SPIDR: variants seen among roughly 807,000 people sequenced by gnomAD.
SPIDR encodes the protein DNA repair-scaffolding protein.
SPIDR carries 93 observed loss-of-function variants against 104.6 expected under a neutral mutation model. The ratio of observed to expected loss-of-function variants is 0.89; its 90% CI spans 0.75 to 1.06. SPIDR has a LOEUF of 1.06. Ranked by LOEUF, SPIDR falls within the 50% of genes least tolerant of loss-of-function variation. The pLI is 0.00. For synonymous variants in SPIDR, 431 were observed against 416.9 expected (o/e 1.03, Z -0.41); for missense variants, 1,154 against 1,111.2 (o/e 1.04, Z -0.55).
At chr8:47,522,969 T>C (rs1257248859) in intron 8 of SPIDR, among the ~76,000 whole-genome samples, 3 of 151,758 alleles carry the variant, frequency 2.0e-5, no homozygotes, top group Non-Finnish European at 4.4e-5. Flanking sequence ...TGTGGTTTGC[T>C]TTCTTTCTTT....
chr8:47,465,909 G>A (rs1455348527), intron 8 of SPIDR, among the ~76,000 whole-genome samples: 1 of 152,030 alleles, frequency 6.6e-6, no homozygotes, highest in East Asian at 1.9e-4. Context: ...AACCGACGAA[G>A]ATCAAAAAAG....
rs1186187617 is a variant in SPIDR at position 47,360,244 on chromosome 8, CAAAAAA to C, written c.526-36110_526-36105del. The stretch of plus-strand genomic sequence containing the variant: ...GCAACAACAGAATGAGACTCCATCT[CAAAAAA>C]AAAAAAAAAAAAAAAAAAAAAGAAA... On this transcript the variant is annotated intron_variant, in intron 5 of 19. Coordinates refer to ENST00000297423, the MANE Select transcript of SPIDR (RefSeq NM_001080394.4). Among the ~76,000 whole-genome samples, 5 of 38,962 alleles carry C rather than the reference CAAAAAA, an allele frequency of 1.3e-4. No individual in the cohort carries two copies. In the Admixed American group the frequency reaches 1.4e-3, roughly 11 times the overall value. The allele number at this position is 38,962 out of a possible 152,430, so 25.6% of individuals were successfully genotyped here. A position where few individuals can be genotyped will look rare whatever the true frequency, so the allele number is the denominator to read the frequency against.
chr8:47,513,953 A>G (rs2082739481), intron 8 of SPIDR, among the ~76,000 whole-genome samples: 8 of 152,158 alleles, frequency 5.3e-5, no homozygotes, highest in Admixed American at 5.2e-4. Flanking sequence ...CAGGTGAACC[A>G]TGTGCCTTCT....
intron 11 of SPIDR, among the ~76,000 whole-genome samples, chr8:47,695,921 T>C (rs142548385): frequency 3.4e-4 from 52 of 152,322 alleles, no homozygotes; most frequent in African/African-American, 1.3e-3. Context: ...CTTCATCTAT[T>C]GTATATTTCT....
chr8:47,284,808 A>G (rs1416936701), intron 3 of SPIDR, among the ~76,000 whole-genome samples: 1 of 152,206 alleles, frequency 6.6e-6, no homozygotes, highest in African/African-American at 2.4e-5. Flanking sequence ...GGTCACCTCC[A>G]CTAAAGATAC....
At chr8:47,346,224 T>G (rs2051999495) in intron 5 of SPIDR, among the ~76,000 whole-genome samples, 1 of 152,198 alleles carries the variant, frequency 6.6e-6, no homozygotes, top group African/African-American at 2.4e-5. Context: ...GAGATAATCA[T>G]GTGGTTTTTG....
At chr8:47,546,454 C>G (rs1287390401) in intron 8 of SPIDR, among the ~76,000 whole-genome samples, 1 of 152,094 alleles carries the variant, frequency 6.6e-6, no homozygotes, top group African/African-American at 2.4e-5. Flanking sequence ...TAGTGATATT[C>G]CCTTTTTCAC....
rs1554802202 is a variant in SPIDR at position 47,565,992 on chromosome 8, A to ATAT, written c.1098-29818_1098-29817insATT. 2.5e-3 allele frequency among the ~76,000 whole-genome samples: 38 copies of ATAT among 14,954 alleles called. 2 individuals carry two copies. Among genetic ancestry groups the ATAT allele is most frequent in the African/African-American group, 5.3e-3 (32 of 6,064 alleles). 9.8% of individuals were successfully genotyped at this position (14,954 alleles called of 152,430 possible). A position where few individuals can be genotyped will look rare whatever the true frequency, so the allele number is the denominator to read the frequency against. On this transcript the variant is annotated intron_variant, in intron 8 of 19. Transcript: ENST00000297423. ...TACTCATATATATATATATATATAT[A>ATAT]TTTTTTTTTTTTTTTTTTTTTTTTT...
At position 47,407,947 on chromosome 8, in the gene SPIDR, A is replaced by C; in HGVS notation, c.863A>C (p.Gln288Pro). The change falls in exon 7 of 20, where the codon CAA becomes CCA. Residue 288 changes from glutamine to proline, a missense_variant. Physicochemically the swap from Gln to Pro is moderately conservative, Grantham distance 76. Coordinates refer to ENST00000297423, the MANE Select transcript of SPIDR (RefSeq NM_001080394.4). ...TGGAGACATCAATGTATTTCTTACC[A>C]AAAGACACTTTCAGGTAAGGCTTGT... The part of the protein sequence containing the change: ...SLWRHQCISY[Q>P]KTLSGRKSGV... 4 of 1,580,926 alleles carry C rather than the reference A, an allele frequency of 2.5e-6. No individual in the cohort carries two copies. The highest frequency in any genetic ancestry group is 3.5e-6 in the Non-Finnish European group (4 of 1,158,654).
At chr8:47,620,700 C>T (rs906381113) in intron 10 of SPIDR, among the ~76,000 whole-genome samples, 3 of 151,952 alleles carry the variant, frequency 2.0e-5, no homozygotes, top group Admixed American at 2.0e-4. Context: ...TAACTGCAAT[C>T]TCCACCTCCC....
chr8:47,701,391 C>T (rs1481109557), intron 12 of SPIDR, among the ~76,000 whole-genome samples: 2 of 152,120 alleles, frequency 1.3e-5, no homozygotes, highest in African/African-American at 4.8e-5. Context: ...AAGATCGTGC[C>T]ATTGCACTCC....
chr8:47,459,954 C>A (rs2073668020), intron 8 of SPIDR, among the ~76,000 whole-genome samples: 1 of 152,000 alleles, frequency 6.6e-6, no homozygotes, highest in Admixed American at 6.6e-5. Flanking sequence ...TTGAAGGTTC[C>A]TTTTGGAGTT....
chr8:47,706,529 G>A (rs1440110725), intron 14 of SPIDR, among the ~76,000 whole-genome samples: 1 of 152,142 alleles, frequency 6.6e-6, no homozygotes, highest in African/African-American at 2.4e-5. Context: ...TTTGTCACAT[G>A]TACAGCCTTG....
At chr8:47,549,471 G>A (rs551776698) in intron 8 of SPIDR, among the ~76,000 whole-genome samples, 1 of 152,302 alleles carries the variant, frequency 6.6e-6, no homozygotes, top group African/African-American at 2.4e-5. Context: ...TCTAACTGGT[G>A]TGAGATACTA....
chr8:47,396,156 A>T (rs1207447097), intron 5 of SPIDR, among the ~76,000 whole-genome samples: 3 of 152,306 alleles, frequency 2.0e-5, no homozygotes, highest in African/African-American at 7.2e-5. Context: ...GTTCTGTGAG[A>T]TAAAGTCTGG....
At chr8:47,598,877 G>A (rs2061931698) in intron 9 of SPIDR, 69 bp from the exon 10 acceptor site, 2 of 1,591,196 alleles carry the variant, frequency 1.3e-6, no homozygotes, top group African/African-American at 1.3e-5. Context: ...TGTGCAGCAT[G>A]TTGCTTGTTG....
At chr8:47,487,876 C>A (rs10091032) in intron 8 of SPIDR, among the ~76,000 whole-genome samples, 3,347 of 152,024 alleles carry the variant, frequency 0.022, 53 homozygotes, top group Non-Finnish European at 0.036. Context: ...GGAAATTTAT[C>A]GCACTAAATG....
chr8:47,349,517 A>G (rs1174858441), intron 5 of SPIDR, among the ~76,000 whole-genome samples: 1 of 152,258 alleles, frequency 6.6e-6, no homozygotes, highest in Non-Finnish European at 1.5e-5. Context: ...TCAGACAGGG[A>G]TGTTTAAGTC....
At chr8:47,545,083 CTT>C (rs761426158) in intron 8 of SPIDR, among the ~76,000 whole-genome samples, 4 of 39,222 alleles carry the variant, frequency 1.0e-4, no homozygotes, top group Non-Finnish European at 3.3e-4. Flanking sequence ...TTCTTTCTTT[CTT>C]TCTTTCTTTC....
Sources: allele counts gnomAD v4.1 joint callset (sites outside exome capture counted in the v4.1 genomes callset), GRCh38; gene constraint gnomAD v4.1.1; transcripts MANE v1.5; gene names NCBI Gene and HGNC (gene_info 2026-07-23, HGNC 2026-07-21).